The following LYSMD3 variants were observed in gnomAD, a reference collection of about 807,000 sequenced individuals.
LYSMD3 encodes the protein LysM domain containing 3.
LYSMD3 carries 13 observed loss-of-function variants against 26.1 expected under a neutral mutation model. The ratio of observed to expected loss-of-function variants is 0.50; its 90% CI spans 0.32 to 0.79. The LOEUF (loss-of-function observed/expected upper bound fraction) is 0.79. Among genes scored for constraint, LYSMD3 ranks in the 30% least tolerant of loss-of-function variants. LYSMD3 has a pLI of 0.03. For synonymous variants in LYSMD3, 109 were observed against 119.4 expected (o/e 0.91, Z 0.57); for missense variants, 331 against 362.5 (o/e 0.91, Z 0.71).
chr5:90,521,375 C>G (rs1206150607), intron 2 of LYSMD3, among the ~76,000 whole-genome samples: 1 of 151,782 alleles, frequency 6.6e-6, no homozygotes. Flanking sequence ...GGTGGTCAAG[C>G]AGAGAGGGTC....
At position 90,518,699 on chromosome 5, in the gene LYSMD3, TAAAAAC is replaced by T; in HGVS notation, c.*114_*119del. ...TTTTCAAAGTGTGAAACCCTTTTGT[TAAAAAC>T]AAAAGCATCCTCAATCTCTCTAAAT... On this transcript the variant is annotated 3_prime_UTR_variant, in exon 3 of 3. Coordinates refer to ENST00000315948, the MANE Select transcript of LYSMD3 (RefSeq NM_198273.2). 5.6e-6 allele frequency: 6 copies of T among 1,078,576 alleles called. No homozygotes were observed. The highest frequency in any genetic ancestry group is 7.9e-6 in the Non-Finnish European group (6 of 762,172). 66.8% of individuals were successfully genotyped at this position (1,078,576 alleles called of 1,614,324 possible). A position where few individuals can be genotyped will look rare whatever the true frequency, so the allele number is the denominator to read the frequency against.
rs1444567805 is a variant in LYSMD3 at position 90,519,499 on chromosome 5, A to AG, written c.256-16_256-15insC. 1 of 1,585,102 alleles carries AG rather than the reference A, an allele frequency of 6.3e-7. No homozygotes were observed. Among genetic ancestry groups the AG allele is most frequent in the Non-Finnish European group, 8.6e-7 (1 of 1,168,806 alleles). On this transcript the variant is annotated splice_polypyrimidine_tract_variant and intron_variant, in intron 2 of 2. Coordinates refer to ENST00000315948, the MANE Select transcript of LYSMD3 (RefSeq NM_198273.2). The stretch of plus-strand genomic sequence containing the variant: ...ATATCTGCTACCTGTGGGGGGGAAA[A>AG]AAAAGCAACATACAACTGAATTCCA...
At chr5:90,527,485 T>C (rs913608616) in intron 1 of LYSMD3, among the ~76,000 whole-genome samples, 1 of 150,914 alleles carries the variant, frequency 6.6e-6, no homozygotes, top group South Asian at 2.1e-4. Flanking sequence ...ATTAGTAGCA[T>C]ACAAATTCAG....
chr5:90,525,680 C>T (rs945354569), intron 1 of LYSMD3, among the ~76,000 whole-genome samples: 6 of 152,126 alleles, frequency 3.9e-5, no homozygotes, highest in African/African-American at 1.4e-4. Flanking sequence ...GAACTCTTGA[C>T]CTCAGGTGAT....
At chr5:90,528,714 T>C (rs1753283564) in intron 1 of LYSMD3, among the ~76,000 whole-genome samples, 2 of 152,158 alleles carry the variant, frequency 1.3e-5, no homozygotes, top group South Asian at 4.1e-4. Context: ...CTTAATTCTC[T>C]TAGAGCAGGA....
At position 90,518,764 on chromosome 5, in the gene LYSMD3, T is replaced by C; in HGVS notation, c.*55A>G. 1 of 1,453,040 alleles carries C rather than the reference T, an allele frequency of 6.9e-7. No individual in the cohort carries two copies. The highest frequency in any genetic ancestry group is 1.3e-5 in the South Asian group (1 of 76,690). 90.0% of individuals were successfully genotyped at this position (1,453,040 alleles called of 1,614,324 possible). On this transcript the variant is annotated 3_prime_UTR_variant, in exon 3 of 3. Transcript: ENST00000315948. Reference sequence around the variant, plus strand: ...TGAAGCTATTATTGGATATAACTGATTCACCACATTCCAGATGCACATGTG... The same window carrying C: ...TGAAGCTATTATTGGATATAACTGACTCACCACATTCCAGATGCACATGTG...
At chr5:90,520,054 T>C (rs1753051450) in intron 2 of LYSMD3, among the ~76,000 whole-genome samples, 1 of 152,144 alleles carries the variant, frequency 6.6e-6, no homozygotes. Flanking sequence ...ACCTTAGAAT[T>C]TAAAAAATTG....
At chr5:90,520,045 C>T (rs1415188884) in intron 2 of LYSMD3, among the ~76,000 whole-genome samples, 1 of 151,938 alleles carries the variant, frequency 6.6e-6, no homozygotes, top group African/African-American at 2.4e-5. Context: ...AGCATATATA[C>T]CTTAGAATTT....
rs1456851653 is a variant in LYSMD3, at chr5:90,517,710, A to T, written c.*1109T>A. ...AAAACAGAGGTTAAGGGATTACTAA[A>T]TAATTTGTCTGTTACTGCTAATATA... On this transcript the variant is annotated 3_prime_UTR_variant, in exon 3 of 3. Transcript: ENST00000315948. 1 of 152,242 alleles carries T rather than the reference A, an allele frequency of 6.6e-6. No homozygotes were observed. Among genetic ancestry groups the T allele is most frequent in the Non-Finnish European group, 1.5e-5 (1 of 67,930 alleles). 9.4% of individuals were successfully genotyped at this position (152,242 alleles called of 1,614,324 possible). A position where few individuals can be genotyped will look rare whatever the true frequency, so the allele number is the denominator to read the frequency against.
At chr5:90,526,087 A>G (rs1753217452) in intron 1 of LYSMD3, among the ~76,000 whole-genome samples, 2 of 152,214 alleles carry the variant, frequency 1.3e-5, no homozygotes, top group Non-Finnish European at 1.5e-5. Flanking sequence ...TATACACATA[A>G]TACTTTCATG....
intron 1 of LYSMD3, among the ~76,000 whole-genome samples, chr5:90,527,984 A>G (rs151281283): frequency 3.7e-3 from 568 of 152,356 alleles, no homozygotes; most frequent in African/African-American, 0.013. Context: ...GAAGTGCTAC[A>G]TTATTACCAA....
At chr5:90,522,904 C>T (rs1275269849) in intron 2 of LYSMD3, among the ~76,000 whole-genome samples, 1 of 152,108 alleles carries the variant, frequency 6.6e-6, no homozygotes, top group East Asian at 1.9e-4. Context: ...GGAAATATGA[C>T]CTATTTTTAA....
At chr5:90,525,398 GT>G in intron 1 of LYSMD3, 98 bp from the exon 2 acceptor site, 1 of 1,184,274 alleles carries the variant, frequency 8.4e-7, no homozygotes, top group Middle Eastern at 2.0e-4. Flanking sequence ...TTTTGTTTTT[GT>G]TTTAATGGTT....
At chr5:90,520,827 G>C (rs57677204) in intron 2 of LYSMD3, among the ~76,000 whole-genome samples, 10,331 of 152,016 alleles carry the variant, frequency 0.068, 501 homozygotes, top group East Asian at 0.22. Context: ...GCTGAGGCAG[G>C]AGAATTACTG....
In LYSMD3 at chr5:90,518,664, G is replaced by A; in HGVS notation, c.*155C>T. The A allele has an allele frequency of 1.6e-6, 1 of 636,174 alleles. No individual in the cohort carries two copies. The highest frequency in any genetic ancestry group is 2.6e-6 in the Non-Finnish European group (1 of 387,480). The allele number at this position is 636,174 out of a possible 1,614,324, so 39.4% of individuals were successfully genotyped here. A position where few individuals can be genotyped will look rare whatever the true frequency, so the allele number is the denominator to read the frequency against. ...CTGCTCTCAACATCAACAACTAGTTGCTCAAAAAATTTTCAAAGTGTGAAA... is the reference window on the plus strand; with the variant it reads ...CTGCTCTCAACATCAACAACTAGTTACTCAAAAAATTTTCAAAGTGTGAAA... On this transcript the variant is annotated 3_prime_UTR_variant, in exon 3 of 3. Transcript: ENST00000315948.
In LYSMD3 at chr5:90,519,305, C is replaced by T; in HGVS notation, c.435G>A (p.Leu145=). The T allele has an allele frequency of 2.5e-6, 4 of 1,614,018 alleles. No individual in the cohort carries two copies. Among genetic ancestry groups the T allele is most frequent in the Non-Finnish European group, 3.4e-6 (4 of 1,179,974 alleles). Residue 145 remains leucine (L), a synonymous_variant, in exon 3 of 3, where the codon TTG becomes TTA. Transcript: ENST00000315948. ...VQYSSEQQEI[L]PANDSLAYSD... is the part of the protein sequence containing the mutation. Reference sequence around the variant, plus strand: ...TGTAAGCAAGAGAATCATTAGCTGGCAAAATTTCCTGTTGTTCGGAAGAGT... The same window carrying T: ...TGTAAGCAAGAGAATCATTAGCTGGTAAAATTTCCTGTTGTTCGGAAGAGT...
In LYSMD3 at chr5:90,518,193, C is replaced by T. The variant is rs979055395; in HGVS notation, c.*626G>A. 5 of 152,206 alleles carry T rather than the reference C, an allele frequency of 3.3e-5. No homozygotes were observed. The highest frequency in any genetic ancestry group is 1.2e-4 in the African/African-American group (5 of 41,452). The allele number at this position is 152,206 out of a possible 1,614,324, so 9.4% of individuals were successfully genotyped here. ...TCAGGTCTTCACCTATTCCAGTGTT[C>T]TACTGACTTCCCAACCATAATACAT... On this transcript the variant is annotated 3_prime_UTR_variant, in exon 3 of 3. Coordinates refer to ENST00000315948, the MANE Select transcript of LYSMD3 (RefSeq NM_198273.2).
At chr5:90,524,726 G>T (rs1378816030) in intron 2 of LYSMD3, among the ~76,000 whole-genome samples, 1 of 152,096 alleles carries the variant, frequency 6.6e-6, no homozygotes, top group African/African-American at 2.4e-5. Flanking sequence ...AGAGTAGCTG[G>T]GACTACAGGC....
chr5:90,525,376 C>A, intron 1 of LYSMD3, 76 bp from the exon 2 acceptor site: 1 of 1,319,808 alleles, frequency 7.6e-7, no homozygotes, highest in Non-Finnish European at 1.0e-6. Flanking sequence ...ATCGTACATT[C>A]AGGACACAAT....
Sources: allele counts gnomAD v4.1 joint callset (sites outside exome capture counted in the v4.1 genomes callset), GRCh38; gene constraint gnomAD v4.1.1; transcripts MANE v1.5; gene names NCBI Gene and HGNC (gene_info 2026-07-23, HGNC 2026-07-21).